The following ZNF777 variants were observed in gnomAD, a reference collection of about 807,000 sequenced individuals.
The protein encoded by ZNF777 is zinc finger protein 777.
Under a neutral mutation model 72.1 loss-of-function variants are expected in ZNF777, and 7 were observed. The ratio of observed to expected loss-of-function variants is 0.10; its 90% CI spans 0.06 to 0.18. The LOEUF is 0.18. ZNF777 is among the 10% of genes least tolerant of loss of function. ZNF777 has a pLI of 1.00. For missense variants in ZNF777, 828 were observed against 1,128.6 expected (o/e 0.73, Z 3.82); for synonymous variants, 545 against 483.5 (o/e 1.13, Z -1.67).
rs181020527 is a variant in ZNF777, at chr7:149,436,615, G to T, written c.1299C>A (p.Ser433Arg). 1.6e-4 allele frequency: 256 copies of T among 1,611,760 alleles called. No individual in the cohort carries two copies. Among genetic ancestry groups the T allele is most frequent in the Admixed American group, 2.7e-4 (16 of 59,990 alleles). ...EESTEGSSEF[S>R]ELKQMLVQQR... ...GCTGCACCAGCATCTGCTTCAGTTCGCTGAACTCGCTGGAGCCTTCCGTGG... is the reference window on the plus strand; with the variant it reads ...GCTGCACCAGCATCTGCTTCAGTTCTCTGAACTCGCTGGAGCCTTCCGTGG... The change falls in exon 5 of 6, where the codon AGC becomes AGA. Residue 433 changes from serine (S) to arginine (R), a missense_variant. Transcript: ENST00000247930. The surrounding 1 kb of genome is among the most constrained non-coding windows in gnomAD (Gnocchi z 5.0).
chr7:149,438,962 T>C (rs1476904855), intron 4 of ZNF777, among the ~76,000 whole-genome samples: 1 of 152,098 alleles, frequency 6.6e-6, no homozygotes, highest in Non-Finnish European at 1.5e-5. Flanking sequence ...ACTGTGGAAC[T>C]CTCCCACTCT....
intron 4 of ZNF777, among the ~76,000 whole-genome samples, chr7:149,447,506 GC>G (rs1585697176): frequency 6.6e-6 from 1 of 152,270 alleles, no homozygotes; most frequent in East Asian, 1.9e-4. Context: ...GCCACCCTTA[GC>G]ACCTCCCCAG....
At chr7:149,452,193 A>C (rs1004115173) in intron 3 of ZNF777, among the ~76,000 whole-genome samples, 1 of 151,954 alleles carries the variant, frequency 6.6e-6, no homozygotes, top group Non-Finnish European at 1.5e-5. Context: ...TGAACCCGGG[A>C]GGCGGAGCGT....
chr7:149,432,789 T>C lies in ZNF777; in HGVS notation c.1483A>G (p.Met495Val), dbSNP rs759710755. 17 of 1,608,454 alleles carry C rather than the reference T, an allele frequency of 1.1e-5. 1 individual carries two copies. Among genetic ancestry groups the C allele is most frequent in the Middle Eastern group, 1.6e-4 (1 of 6,066 alleles). ...GGGCTCTCCTCGCCCTCGGGGGACA[T>C]CTCCCCGGGCAGCGGGGTCTGGTAC... ...SMYQTPLPGEMSPEGEESPPP... is the reference protein window; with the variant it reads ...SMYQTPLPGEVSPEGEESPPP... Residue 495 changes from methionine (M) to valine (V), a missense_variant, in exon 6 of 6, where the codon ATG becomes GTG. Coordinates refer to ENST00000247930, the MANE Select transcript of ZNF777 (RefSeq NM_015694.3).
At chr7:149,441,001 G>A (rs936761576) in intron 4 of ZNF777, among the ~76,000 whole-genome samples, 1 of 152,026 alleles carries the variant, frequency 6.6e-6, no homozygotes, top group African/African-American at 2.4e-5. Flanking sequence ...CTAGGCATTC[G>A]CCTGCTCCTC....
rs368317468 is a variant in ZNF777, at chr7:149,436,786, G to T, written c.1128C>A (p.Asn376Lys). 6.2e-7 allele frequency: 1 copy of T among 1,614,082 alleles called. No individual in the cohort carries two copies. The highest frequency in any genetic ancestry group is 8.5e-7 in the Non-Finnish European group (1 of 1,179,982). Residue 376 changes from asparagine (N) to lysine (K), a missense_variant, in exon 5 of 6, where the codon AAC becomes AAA. Asn to Lys is a moderately conservative substitution (Grantham distance 94). Transcript: ENST00000247930. The surrounding 1 kb of genome is among the most constrained non-coding windows in gnomAD (Gnocchi z 5.0). ...TCTCCAAACTTTCTGAGCCCTCGTCGTTGGTCTGTACCTCGATCTTAATCA... is the reference window on the plus strand; with the variant it reads ...TCTCCAAACTTTCTGAGCCCTCGTCTTTGGTCTGTACCTCGATCTTAATCA... ...GIVIKIEVQT[N>K]DEGSESLETP...
intron 4 of ZNF777, among the ~76,000 whole-genome samples, chr7:149,443,960 A>C (rs1799566234): frequency 6.6e-6 from 1 of 152,066 alleles, no homozygotes; most frequent in Admixed American, 6.5e-5. Context: ...CGAAGCAATC[A>C]CTTCAATGAT....
intron 3 of ZNF777, among the ~76,000 whole-genome samples, 197 bp from the exon 4 acceptor site, chr7:149,451,309 G>A (rs552202704): frequency 2.8e-4 from 42 of 152,190 alleles, no homozygotes; most frequent in African/African-American, 9.4e-4. Flanking sequence ...GTGGCGGGGG[G>A]TAGAGGGATC....
In ZNF777 at chr7:149,460,192, T is replaced by TGCC. The variant is rs1364659736; in HGVS notation, c.-16+620_-16+622dup. 2.6e-6 allele frequency: 2 copies of TGCC among 755,386 alleles called. No homozygotes were observed. The highest frequency in any genetic ancestry group is 3.2e-6 in the Non-Finnish European group (2 of 622,770). 46.8% of individuals were successfully genotyped at this position (755,386 alleles called of 1,614,324 possible). On this transcript the variant is annotated intron_variant, in intron 1 of 5. Coordinates refer to ENST00000247930, the MANE Select transcript of ZNF777 (RefSeq NM_015694.3). The surrounding 1 kb of genome is among the most constrained non-coding windows in gnomAD (Gnocchi z 6.1). ...GGGCCCCCGGAGTCGCCGCCGCTAC[T>TGCC]GCCGCCGCCGCTACTGCGCGCGGCC... is the stretch of plus-strand genomic sequence containing the variant.
chr7:149,455,752 T>A lies in ZNF777; in HGVS notation c.271A>T (p.Thr91Ser). The change falls in exon 2 of 6, where the codon ACT (threonine) becomes TCT (serine). Residue 91 changes from threonine to serine, a missense_variant. This residue lies in a region of ZNF777 where 222 missense variants were observed against 211.2 expected (regional missense o/e 1.05). Transcript: ENST00000247930. This position sits in a 1 kb window ranked among gnomAD's most constrained non-coding sequence, Gnocchi z 4.2. The stretch of plus-strand genomic sequence containing the variant: ...GAAGCCAGGGGGCCCTGGAGAGAAG[T>A]CTCTTGCTCAGAAGCGGCAGAACAC... Reference protein sequence around the residue: ...LLCSAASEQETSLQGPLASQE... With the variant: ...LLCSAASEQESSLQGPLASQE... 6.3e-7 allele frequency: 1 copy of A among 1,592,338 alleles called. No individual in the cohort carries two copies. Among genetic ancestry groups the A allele is most frequent in the Non-Finnish European group, 8.6e-7 (1 of 1,168,352 alleles).
intron 3 of ZNF777, among the ~76,000 whole-genome samples, chr7:149,452,565 G>A (rs1469917931): frequency 4.0e-5 from 6 of 150,182 alleles, no homozygotes; most frequent in South Asian, 2.1e-4. Flanking sequence ...CCTGGGAGGC[G>A]GAGCTTGCAG....
intron 4 of ZNF777, among the ~76,000 whole-genome samples, chr7:149,440,666 TTTTTTTG>T (rs1314893563): frequency 1.2e-5 from 1 of 83,400 alleles, no homozygotes; most frequent in African/African-American, 6.9e-5. Flanking sequence ...CAGCCTGTTG[TTTTTTTG>T]TTTTTTTTTT....
Position 149,458,688 on chromosome 7 carries a change from A to G in ZNF777, c.-16+2127T>C, listed in dbSNP as rs541397190. Among the ~76,000 whole-genome samples the G allele has an allele frequency of 7.1e-4, 108 of 152,356 alleles. 2 individuals carry two copies. In the South Asian group the frequency reaches 0.017, roughly 24 times the overall value. ...GGATTTGGAGGACTGTAGAGGGGCCACAGGAGGGTGTTCCCTCCCTCGCCT... is the reference window on the plus strand; with the variant it reads ...GGATTTGGAGGACTGTAGAGGGGCCGCAGGAGGGTGTTCCCTCCCTCGCCT... On this transcript the variant is annotated intron_variant, in intron 1 of 5. Transcript: ENST00000247930.
chr7:149,431,772 G>A lies in ZNF777; in HGVS notation c.*4C>T, dbSNP rs747890130. The stretch of plus-strand genomic sequence containing the variant: ...TGGCCGGGCGGCGGCGGCGGGGCGC[G>A]CGCTCACTCGCCCGTGTGGGTCCGC... On this transcript the variant is annotated 3_prime_UTR_variant, in exon 6 of 6. Coordinates refer to ENST00000247930, the MANE Select transcript of ZNF777 (RefSeq NM_015694.3). 1 of 1,559,360 alleles carries A rather than the reference G, an allele frequency of 6.4e-7. No individual in the cohort carries two copies. Among genetic ancestry groups the A allele is most frequent in the Non-Finnish European group, 8.6e-7 (1 of 1,161,762 alleles).
chr7:149,456,124 A>G (rs1799826252), intron 1 of ZNF777, 87 bp from the exon 2 acceptor site: 14 of 1,428,182 alleles, frequency 9.8e-6, no homozygotes, highest in Non-Finnish European at 1.3e-5. Flanking sequence ...ATACACATAA[A>G]AAGTGCTTCC....
chr7:149,459,096 G>A (rs934758326), intron 1 of ZNF777, among the ~76,000 whole-genome samples: 1 of 152,156 alleles, frequency 6.6e-6, no homozygotes, highest in Non-Finnish European at 1.5e-5. Context: ...CCAGAGTAAG[G>A]CATGTAAACA....
At chr7:149,449,500 CTA>C (rs1484452486) in intron 4 of ZNF777, among the ~76,000 whole-genome samples, 1 of 152,222 alleles carries the variant, frequency 6.6e-6, no homozygotes, top group African/African-American at 2.4e-5. Context: ...CAAGAAAATT[CTA>C]TGAGAGCAGC....
chr7:149,446,113 G>A (rs763036196), intron 4 of ZNF777, among the ~76,000 whole-genome samples: 1 of 152,200 alleles, frequency 6.6e-6, no homozygotes, highest in Non-Finnish European at 1.5e-5. Flanking sequence ...GCCGGATGTG[G>A]TGGCCTGTAA....
At chr7:149,443,567 T>TA (rs200049647) in intron 4 of ZNF777, among the ~76,000 whole-genome samples, 10 of 152,294 alleles carry the variant, frequency 6.6e-5, no homozygotes, top group African/African-American at 2.4e-4. Flanking sequence ...TTTTTTTAAT[T>TA]AAAAAAAATT....
Sources: allele counts gnomAD v4.1 joint callset (sites outside exome capture counted in the v4.1 genomes callset), GRCh38; gene constraint gnomAD v4.1.1; regional missense constraint gnomAD v4.1.1; non-coding constraint Gnocchi (gnomAD v3.1); transcripts MANE v1.5; gene names NCBI Gene and HGNC (gene_info 2026-07-23, HGNC 2026-07-21).